Variants in ACSS3 observed in about 807,000 individuals in gnomAD.
ACSS3 encodes the protein acyl-CoA synthetase short chain family member 3, also known as acyl-CoA synthetase short-chain family member 3, mitochondrial.
A neutral mutation model predicts 84.2 loss-of-function variants in ACSS3; 64 were observed. The ratio of observed to expected loss-of-function variants is 0.76; its 90% confidence interval spans 0.62 to 0.94. The LOEUF is 0.94. Among genes scored for constraint, ACSS3 ranks in the 40% least tolerant of loss-of-function variants. The pLI is 0.00. For missense variants in ACSS3, 815 were observed against 867.6 expected (o/e 0.94, Z 0.76); for synonymous variants, 317 against 310.1 (o/e 1.02, Z -0.23).
chr12:81,114,650 G>A (rs1883887698), intron 2 of ACSS3, among the ~76,000 whole-genome samples: 1 of 152,080 alleles, frequency 6.6e-6, no homozygotes. Context: ...ACTAAAAAGT[G>A]TGTCTCTGTA....
At chr12:81,185,295 G>A (rs559186701) in intron 8 of ACSS3, among the ~76,000 whole-genome samples, 1 of 151,806 alleles carries the variant, frequency 6.6e-6, no homozygotes, top group Non-Finnish European at 1.5e-5. Flanking sequence ...GGTAAGGCAA[G>A]GATGCCTACT....
chr12:81,137,136 CT>C (rs61706699), intron 3 of ACSS3, among the ~76,000 whole-genome samples: 64,110 of 147,408 alleles, frequency 0.43, 17,451 homozygotes, highest in Non-Finnish European at 0.62. Context: ...CCTTTTTTAT[CT>C]TTTTTTTTTT....
chr12:81,255,053 G>C lies in ACSS3; in HGVS notation c.*131G>C. 2.2e-6 allele frequency: 2 copies of C among 899,832 alleles called. No homozygotes were observed. The highest frequency in any genetic ancestry group is 3.2e-6 in the Non-Finnish European group (2 of 623,560). The allele number at this position is 899,832 out of a possible 1,614,324, so 55.7% of individuals were successfully genotyped here. On this transcript the variant is annotated 3_prime_UTR_variant, in exon 16 of 16. Coordinates refer to ENST00000548058, the MANE Select transcript of ACSS3 (RefSeq NM_024560.4). ...AATGAAATGTGAATTGTAAAACTTGGCCTAAACAAATCTAATGAAAACATG... is the reference window on the plus strand; with the variant it reads ...AATGAAATGTGAATTGTAAAACTTGCCCTAAACAAATCTAATGAAAACATG...
At chr12:81,251,668 C>CAAAAAAA (rs71098134) in intron 13 of ACSS3, among the ~76,000 whole-genome samples, 184 of 87,528 alleles carry the variant, frequency 2.1e-3, no homozygotes, top group Non-Finnish European at 2.5e-3. Context: ...CCCATCTCTA[C>CAAAAAAA]AAAAAAAAAA....
intron 11 of ACSS3, among the ~76,000 whole-genome samples, chr12:81,225,356 G>A (rs1451823036): frequency 2.6e-5 from 4 of 151,898 alleles, no homozygotes; most frequent in African/African-American, 4.8e-5. Flanking sequence ...GTGAGGAACA[G>A]AAAGCATGCA....
chr12:81,122,351 A>G (rs1195382543), intron 2 of ACSS3, among the ~76,000 whole-genome samples: 1 of 152,100 alleles, frequency 6.6e-6, no homozygotes, highest in Non-Finnish European at 1.5e-5. Context: ...ACAATAAAGA[A>G]TTTATTAGAT....
At chr12:81,172,432 C>T (rs945338584) in intron 7 of ACSS3, among the ~76,000 whole-genome samples, 1 of 151,982 alleles carries the variant, frequency 6.6e-6, no homozygotes, top group African/African-American at 2.4e-5. Flanking sequence ...TGTTCTGTCC[C>T]TGGAATCCTT....
intron 8 of ACSS3, among the ~76,000 whole-genome samples, chr12:81,189,968 C>T (rs539151748): frequency 1.6e-4 from 25 of 152,268 alleles, no homozygotes; most frequent in Non-Finnish European, 2.9e-5. Context: ...ACACTTTTGT[C>T]ATGACAGTGC....
chr12:81,078,575 C>A, intron 1 of ACSS3, 144 bp downstream of exon 1: 1 of 920,378 alleles, frequency 1.1e-6, no homozygotes, highest in Non-Finnish European at 1.6e-6. Flanking sequence ...ATTCGTGTTT[C>A]ATTTCAATTT....
chr12:81,255,110 C>G lies in ACSS3; in HGVS notation c.*188C>G, dbSNP rs2034260202. 2 of 529,362 alleles carry G rather than the reference C, an allele frequency of 3.8e-6. No individual in the cohort carries two copies. The highest frequency in any genetic ancestry group is 1.0e-3 in the Middle Eastern group (2 of 1,932). The allele number at this position is 529,362 out of a possible 1,614,324, so 32.8% of individuals were successfully genotyped here. ...ACCTGTGCCTTTTTTTTGGTTTGAC[C>G]CTGTTAGCATTGTTATTAGTTATCT... On this transcript the variant is annotated 3_prime_UTR_variant, in exon 16 of 16. Coordinates refer to ENST00000548058, the MANE Select transcript of ACSS3 (RefSeq NM_024560.4).
chr12:81,132,840 C>T (rs999311430), intron 2 of ACSS3, among the ~76,000 whole-genome samples: 1 of 152,044 alleles, frequency 6.6e-6, no homozygotes, highest in Admixed American at 6.6e-5. Flanking sequence ...TAGCTATTCT[C>T]GTTGGTCTCT....
chr12:81,178,803 A>T (rs2030688917), intron 8 of ACSS3, among the ~76,000 whole-genome samples: 1 of 152,120 alleles, frequency 6.6e-6, no homozygotes, highest in African/African-American at 2.4e-5. Flanking sequence ...CTATTCTACA[A>T]TTCATATGGA....
intron 9 of ACSS3, among the ~76,000 whole-genome samples, chr12:81,213,874 TTC>T (rs1267593468): frequency 7.5e-6 from 1 of 133,830 alleles, no homozygotes; most frequent in East Asian, 2.1e-4. Context: ...CTTTCTTTCT[TTC>T]TTTCTTTCCT....
chr12:81,083,057 T>C (rs1881084537), intron 1 of ACSS3, among the ~76,000 whole-genome samples: 1 of 152,196 alleles, frequency 6.6e-6, no homozygotes, highest in Admixed American at 6.5e-5. Flanking sequence ...GGGAACAAGA[T>C]GACAAAAACA....
intron 1 of ACSS3, among the ~76,000 whole-genome samples, chr12:81,089,467 T>C (rs1347823854): frequency 6.6e-6 from 1 of 151,908 alleles, no homozygotes; most frequent in Non-Finnish European, 1.5e-5. Flanking sequence ...AGGAATCCAG[T>C]GCAAGGTCAA....
chr12:81,087,524 T>C (rs1881395765), intron 1 of ACSS3, among the ~76,000 whole-genome samples: 1 of 150,350 alleles, frequency 6.7e-6, no homozygotes, highest in Admixed American at 6.6e-5. Flanking sequence ...TGTAGAAAAA[T>C]TTAGTAAGAC....
rs182318185 is a variant in ACSS3, at chr12:81,102,226, A to C, written c.312-7334A>C. On this transcript the variant is annotated intron_variant, in intron 1 of 15. Transcript: ENST00000548058. ...AGTTAATGGAGGTTTTGGTTACTAA[A>C]ATCCTTCTTCCTATGAGTGTTTAAG... 5.3e-5 allele frequency among the ~76,000 whole-genome samples: 8 copies of C among 152,222 alleles called. No individual in the cohort carries two copies. The East Asian group carries it at 1.5e-3, about 29-fold the overall frequency.
chr12:81,259,656 G>C lies in ACSS3; in HGVS notation c.*4734G>C, dbSNP rs927358433. ...TTTAGGTAGAGTAGACTGAAAAGAC[G>C]CCATCTAAAATATACAATGGATAGC... On this transcript the variant is annotated 3_prime_UTR_variant, in exon 16 of 16. Coordinates refer to ENST00000548058, the MANE Select transcript of ACSS3 (RefSeq NM_024560.4). 6.5e-7 allele frequency: 1 copy of C among 1,533,972 alleles called. No homozygotes were observed. The highest frequency in any genetic ancestry group is 1.4e-5 in the African/African-American group (1 of 72,908).
chr12:81,160,791 T>C (rs1485642500), intron 7 of ACSS3, among the ~76,000 whole-genome samples: 1 of 152,188 alleles, frequency 6.6e-6, no homozygotes, highest in Non-Finnish European at 1.5e-5. Flanking sequence ...GTGAATACTT[T>C]TAGTGTTTGA....
Sources: allele counts gnomAD v4.1 joint callset (sites outside exome capture counted in the v4.1 genomes callset), GRCh38; gene constraint gnomAD v4.1.1; transcripts MANE v1.5; gene names NCBI Gene and HGNC (gene_info 2026-07-23, HGNC 2026-07-21).